Variants in PRIMA1 observed in about 807,000 individuals in gnomAD.
PRIMA1 encodes proline-rich membrane anchor 1.
A neutral mutation model predicts 17.5 loss-of-function variants in PRIMA1; 7 were observed. The ratio of observed to expected loss-of-function variants is 0.40; its 90% CI spans 0.23 to 0.75. PRIMA1 has a LOEUF of 0.75. Ranked by LOEUF, PRIMA1 falls within the 30% of genes least tolerant of loss-of-function variation. The probability of loss-of-function intolerance (pLI) is 0.37; values close to 1 mark genes in which losing one functional copy is unlikely to be tolerated. For synonymous variants in PRIMA1, 97 were observed against 77.9 expected (o/e 1.25, Z -1.29); for missense variants, 200 against 201.8 (o/e 0.99, Z 0.05).
chr14:93,753,257 A>G (rs920283003), intron 3 of PRIMA1, among the ~76,000 whole-genome samples: 1 of 152,102 alleles, frequency 6.6e-6, no homozygotes, highest in African/African-American at 2.4e-5. Context: ...CTTCAGGATG[A>G]CCCCTGGCTA....
At chr14:93,748,142 CTG>C (rs1345707663) in intron 3 of PRIMA1, among the ~76,000 whole-genome samples, 2 of 152,092 alleles carry the variant, frequency 1.3e-5, no homozygotes, top group African/African-American at 4.8e-5. Context: ...GTGTGAGAGA[CTG>C]TGTGAGTGCT....
At position 93,737,306 on chromosome 14, in the gene PRIMA1, G is replaced by A. The variant is rs765912878; in HGVS notation, c.294C>T (p.Ala98=). The A allele has an allele frequency of 9.3e-6, 15 of 1,613,996 alleles. No homozygotes were observed. Among genetic ancestry groups the A allele is most frequent in the African/African-American group, 4.0e-5 (3 of 74,896 alleles). The change falls in exon 4 of 5, where the codon GCC becomes GCT. Residue 98 remains alanine (A), a synonymous_variant. Coordinates refer to ENST00000393140, the MANE Select transcript of PRIMA1 (RefSeq NM_178013.4). ...SWWSGLVIII[A]VCCASLVFLT... is the part of the protein sequence containing the mutation. ...GAAACACCAGGGAGGCACAGCATACGGCAATGATGATCACCAGCCCCGACC... is the reference window on the plus strand; with the variant it reads ...GAAACACCAGGGAGGCACAGCATACAGCAATGATGATCACCAGCCCCGACC...
chr14:93,768,033 T>A (rs1356825066), intron 3 of PRIMA1, among the ~76,000 whole-genome samples: 1 of 152,128 alleles, frequency 6.6e-6, no homozygotes, highest in Non-Finnish European at 1.5e-5. Flanking sequence ...CCTTTTACAT[T>A]CTATGTTTTT....
intron 3 of PRIMA1, among the ~76,000 whole-genome samples, chr14:93,739,197 T>C (rs2076169531): frequency 6.6e-6 from 1 of 152,044 alleles, no homozygotes; most frequent in South Asian, 2.1e-4. Context: ...GGATTACAGA[T>C]ATGCGCCACC....
chr14:93,729,789 G>C (rs565617221), intron 4 of PRIMA1, among the ~76,000 whole-genome samples: 1 of 152,284 alleles, frequency 6.6e-6, no homozygotes, highest in South Asian at 2.1e-4. Flanking sequence ...TGTGTTATGC[G>C]CAGGTGGGAG....
At chr14:93,779,026 G>A in intron 3 of PRIMA1, 150 bp downstream of exon 3, 1 of 590,982 alleles carries the variant, frequency 1.7e-6, no homozygotes, top group African/African-American at 1.9e-5. Flanking sequence ...TTTGCAGACT[G>A]CAGGGGAAAG....
chr14:93,736,616 C>T (rs190462317), intron 4 of PRIMA1, among the ~76,000 whole-genome samples: 19 of 152,358 alleles, frequency 1.2e-4, no homozygotes, highest in East Asian at 3.9e-4. Context: ...GTTACCAGGA[C>T]GCTCCTGGTC....
chr14:93,745,069 T>A (rs1034462895), intron 3 of PRIMA1, among the ~76,000 whole-genome samples: 1 of 152,052 alleles, frequency 6.6e-6, no homozygotes, highest in African/African-American at 2.4e-5. Context: ...CTTGGCCTGT[T>A]TTGGGGCAGT....
At chr14:93,746,087 T>C (rs2076215621) in intron 3 of PRIMA1, among the ~76,000 whole-genome samples, 1 of 151,900 alleles carries the variant, frequency 6.6e-6, no homozygotes. Flanking sequence ...GGGCTCAGCC[T>C]AGGAGGTCGG....
intron 3 of PRIMA1, among the ~76,000 whole-genome samples, chr14:93,751,581 A>T (rs897492387): frequency 4.6e-5 from 7 of 152,216 alleles, no homozygotes; most frequent in Non-Finnish European, 1.0e-4. Flanking sequence ...AACTTTCCAC[A>T]TTCTAGATGA....
chr14:93,786,369 C>G (rs886554017), intron 2 of PRIMA1, among the ~76,000 whole-genome samples: 9 of 152,268 alleles, frequency 5.9e-5, no homozygotes, highest in Admixed American at 4.6e-4. Flanking sequence ...GAAGATGGGG[C>G]CTGGGAGTAG....
chr14:93,737,295 G>GCA lies in PRIMA1; in HGVS notation c.303_304dup (p.Ala102ValfsTer7). On this transcript the variant is annotated frameshift_variant, in exon 4 of 5. Coordinates refer to ENST00000393140, the MANE Select transcript of PRIMA1 (RefSeq NM_178013.4). LOFTEE classifies it high-confidence loss of function. ...AAGCACAGTCAGAAACACCAGGGAGGCACAGCATACGGCAATGATGATCAC... is the reference window on the plus strand; with the variant it reads ...AAGCACAGTCAGAAACACCAGGGAGGCACACAGCATACGGCAATGATGATCAC... The GCA allele has an allele frequency of 6.2e-7, 1 of 1,614,156 alleles. No homozygotes were observed. The highest frequency in any genetic ancestry group is 8.5e-7 in the Non-Finnish European group (1 of 1,180,026).
chr14:93,755,585 C>T (rs116587720), intron 3 of PRIMA1, among the ~76,000 whole-genome samples: 2,927 of 152,242 alleles, frequency 0.019, 105 homozygotes, highest in African/African-American at 0.066. Context: ...AGAGAAATAT[C>T]GTTGGGCACT....
chr14:93,745,130 C>A (rs1181926546), intron 3 of PRIMA1, among the ~76,000 whole-genome samples: 1 of 152,180 alleles, frequency 6.6e-6, no homozygotes, highest in East Asian at 1.9e-4. Context: ...CAACCATGCC[C>A]CTTCCTGCCC....
chr14:93,756,162 C>A (rs1346007928), intron 3 of PRIMA1, among the ~76,000 whole-genome samples: 2 of 152,148 alleles, frequency 1.3e-5, no homozygotes, highest in African/African-American at 4.8e-5. Context: ...GCTTGGCCAC[C>A]CAAAGCATTG....
At chr14:93,788,157 C>A (rs1885581444) in intron 1 of PRIMA1, among the ~76,000 whole-genome samples, 1 of 152,188 alleles carries the variant, frequency 6.6e-6, no homozygotes, top group South Asian at 2.1e-4. Flanking sequence ...AACAGCCGTG[C>A]ACACACACTG....
intron 3 of PRIMA1, among the ~76,000 whole-genome samples, chr14:93,763,451 C>T (rs1024083614): frequency 5.3e-5 from 8 of 152,210 alleles, no homozygotes; most frequent in African/African-American, 1.9e-4. Context: ...CTGCAGTGAG[C>T]TCTGCCTCCT....
chr14:93,785,880 GCACA>G (rs1262690996), intron 2 of PRIMA1, among the ~76,000 whole-genome samples: 1 of 150,502 alleles, frequency 6.6e-6, no homozygotes, highest in Admixed American at 6.6e-5. Context: ...ACACACCCCT[GCACA>G]CACACAGACA....
chr14:93,734,169 G>A (rs1308272121), intron 4 of PRIMA1, among the ~76,000 whole-genome samples: 2 of 152,202 alleles, frequency 1.3e-5, no homozygotes, highest in South Asian at 2.1e-4. Flanking sequence ...CCAGGTCTTG[G>A]TCTGCAGATG....
Sources: allele counts gnomAD v4.1 joint callset (sites outside exome capture counted in the v4.1 genomes callset), GRCh38; gene constraint gnomAD v4.1.1; transcripts MANE v1.5; gene names NCBI Gene and HGNC (gene_info 2026-07-23, HGNC 2026-07-21).